The following SLC4A5 variants were observed in gnomAD, a reference collection of about 807,000 sequenced individuals.
SLC4A5 encodes the protein solute carrier family 4 member 5, also known as electrogenic sodium bicarbonate cotransporter 4.
A neutral mutation model predicts 120.4 loss-of-function variants in SLC4A5; 96 were observed. The ratio of observed to expected loss-of-function variants is 0.80; its 90% CI spans 0.68 to 0.94. SLC4A5 has a LOEUF of 0.94. Among genes scored for constraint, SLC4A5 ranks in the 40% least tolerant of loss-of-function variants. The pLI, the probability that SLC4A5 is intolerant of heterozygous loss-of-function variation, is 0.00. For synonymous variants in SLC4A5, 550 were observed against 571.1 expected, an observed-to-expected ratio of 0.96 and a Z score of 0.53; for missense variants, 1,259 against 1,459.5, an observed-to-expected ratio of 0.86 and a Z score of 2.24.
At chr2:74,331,799 A>C (rs1435737603) in intron 4 of SLC4A5, among the ~76,000 whole-genome samples, 1 of 152,112 alleles carries the variant, frequency 6.6e-6, no homozygotes, top group East Asian at 1.9e-4. Context: ...CTCTACCTCT[A>C]AACTCATGCT....
At chr2:74,244,493 T>A (rs1670547010) in intron 19 of SLC4A5, among the ~76,000 whole-genome samples, 1 of 71,044 alleles carries the variant, frequency 1.4e-5, no homozygotes, top group African/African-American at 3.3e-5. Context: ...CCTTTCTCTC[T>A]CCCTTCCTTC....
At chr2:74,230,028 T>C (rs1385491833) in intron 25 of SLC4A5, among the ~76,000 whole-genome samples, 1 of 151,938 alleles carries the variant, frequency 6.6e-6, no homozygotes, top group Non-Finnish European at 1.5e-5. Flanking sequence ...AATTTTTGTA[T>C]TTTTTGTAGA....
In SLC4A5 at chr2:74,296,616, C is replaced by CAAA. The variant is rs1160532512; in HGVS notation, c.271+7870_271+7872dup. On this transcript the variant is annotated intron_variant, in intron 7 of 30. Coordinates refer to ENST00000394019, the Ensembl canonical transcript of SLC4A5. ...GTGAAACCCGTCTCTACTAAAAATACAAAAAAAAAAAAAAAAAAAAAAATT... is the reference window on the plus strand; with the variant it reads ...GTGAAACCCGTCTCTACTAAAAATACAAAAAAAAAAAAAAAAAAAAAAAAAATT... Among the ~76,000 whole-genome samples, 74 of 47,464 alleles carry CAAA rather than the reference C, an allele frequency of 1.6e-3. 1 individual carries two copies. Among genetic ancestry groups the CAAA allele is most frequent in the African/African-American group, 4.5e-3 (60 of 13,422 alleles). 31.1% of individuals were successfully genotyped at this position (47,464 alleles called of 152,430 possible).
chr2:74,286,384 G>A (rs1358066772), intron 7 of SLC4A5, among the ~76,000 whole-genome samples: 2 of 152,174 alleles, frequency 1.3e-5, no homozygotes, highest in African/African-American at 4.8e-5. Flanking sequence ...GGGCAAGATG[G>A]CAGTCCATTT....
chr2:74,264,659 T>C (rs934404584), intron 9 of SLC4A5, among the ~76,000 whole-genome samples: 2 of 152,110 alleles, frequency 1.3e-5, no homozygotes, highest in African/African-American at 4.8e-5. Context: ...TTGGGCAAAA[T>C]ACTTCTGGCA....
At chr2:74,240,255 C>T (rs1044013665) in intron 20 of SLC4A5, among the ~76,000 whole-genome samples, 5 of 152,058 alleles carry the variant, frequency 3.3e-5, no homozygotes, top group African/African-American at 1.2e-4. Flanking sequence ...TTTTTCCCAA[C>T]CTTGAAGACC....
At chr2:74,271,766 A>G (rs540141611) in intron 8 of SLC4A5, among the ~76,000 whole-genome samples, 1 of 151,518 alleles carries the variant, frequency 6.6e-6, no homozygotes, top group African/African-American at 2.4e-5. Flanking sequence ...ATGACTGGGG[A>G]AAAAAAGCTT....
intron 11 of SLC4A5, 118 bp from the exon 12 acceptor site, chr2:74,259,761 C>T (rs1415398102): frequency 1.1e-6 from 1 of 905,062 alleles, no homozygotes. Context: ...CTCCCTCCCC[C>T]TTAATCCTGC....
chr2:74,319,740 A>AGG (rs934508885), intron 5 of SLC4A5, among the ~76,000 whole-genome samples: 2 of 152,056 alleles, frequency 1.3e-5, no homozygotes, highest in Non-Finnish European at 2.9e-5. Flanking sequence ...AGCCACCCCT[A>AGG]ACCTCTTTGA....
At chr2:74,296,300 G>A (rs1672322969) in intron 7 of SLC4A5, among the ~76,000 whole-genome samples, 1 of 152,082 alleles carries the variant, frequency 6.6e-6, no homozygotes, top group Non-Finnish European at 1.5e-5. Flanking sequence ...CCCAGCCCCA[G>A]GGTTGGGGGG....
At chr2:74,308,738 A>C (rs1171079881) in intron 6 of SLC4A5, among the ~76,000 whole-genome samples, 1 of 143,854 alleles carries the variant, frequency 7.0e-6, no homozygotes, top group Admixed American at 7.0e-5. Flanking sequence ...CCAGCTTATC[A>C]TTTTTTTTTT....
Position 74,248,694 on chromosome 2 carries a change from G to C in SLC4A5, c.1654-208C>G, listed in dbSNP as rs372405924. On this transcript the variant is annotated intron_variant, in intron 17 of 30. Coordinates refer to ENST00000394019, the Ensembl canonical transcript of SLC4A5. ...TTGTCACTCTGTTTAATTCCATCTA[G>C]ATAAAGGTACCATGTGACTTCCTTC... 1.3e-4 allele frequency among the ~76,000 whole-genome samples: 20 copies of C among 152,254 alleles called. 1 individual carries two copies. In the East Asian group the frequency reaches 3.5e-3, roughly 26 times the overall value.
At position 74,221,416 on chromosome 2, in the gene SLC4A5, C is replaced by T. The variant is rs369311884; in HGVS notation, c.*33+18G>A. 2 of 1,581,190 alleles carry T rather than the reference C, an allele frequency of 1.3e-6. No homozygotes were observed. Among genetic ancestry groups the T allele is most frequent in the African/African-American group, 2.7e-5 (2 of 74,360 alleles). On this transcript the variant is annotated intron_variant, in intron 30 of 30. Coordinates refer to ENST00000394019, the Ensembl canonical transcript of SLC4A5. ...GTCTCTTACCTAATACGCAAGGAGTCTACCTAACAGTGTTTACCTTCGGTC... is the reference window on the plus strand; with the variant it reads ...GTCTCTTACCTAATACGCAAGGAGTTTACCTAACAGTGTTTACCTTCGGTC...
chr2:74,217,243 A>G (rs1694471897), exon 31 of SLC4A5: 1 of 152,222 alleles, frequency 6.6e-6, no homozygotes. Context: ...TTTAAATCAT[A>G]GTTGTTTTGG....
intron 30 of SLC4A5, among the ~76,000 whole-genome samples, chr2:74,219,343 G>C (rs1694549604): frequency 6.6e-6 from 1 of 152,012 alleles, no homozygotes; most frequent in Non-Finnish European, 1.5e-5. Flanking sequence ...TCAAAACGAG[G>C]CTACTCCCTC....
Position 74,247,022 on chromosome 2 carries a change from G to T in SLC4A5, c.2059+14C>A. The T allele has an allele frequency of 6.2e-7, 1 of 1,612,368 alleles. No homozygotes were observed. Among genetic ancestry groups the T allele is most frequent in the Non-Finnish European group, 8.5e-7 (1 of 1,178,722 alleles). On this transcript the variant is annotated intron_variant, in intron 19 of 30. Transcript: ENST00000394019. ...TAGGTGAGGGCCCACGGCATGTCTG[G>T]GGTTACCGGTCACCTGTGTCAGGGG...
At position 74,312,159 on chromosome 2, in the gene SLC4A5, T is replaced by C. The variant is rs1390946057; in HGVS notation, c.79+2786A>G. ...TCTTTTGATTAGTGTTATCATGGTA[T>C]ATCTTCCTCCCTCCCTTTACTTCTA... On this transcript the variant is annotated intron_variant, in intron 6 of 30. Coordinates refer to ENST00000394019, the Ensembl canonical transcript of SLC4A5. 1.3e-4 allele frequency among the ~76,000 whole-genome samples: 20 copies of C among 152,332 alleles called. No individual in the cohort carries two copies. In the East Asian group the frequency reaches 3.3e-3, roughly 25 times the overall value.
chr2:74,304,696 A>T lies in SLC4A5; in HGVS notation c.80-16T>A, dbSNP rs769623023. The T allele has an allele frequency of 6.2e-7, 1 of 1,603,360 alleles. No individual in the cohort carries two copies. The highest frequency in any genetic ancestry group is 1.1e-5 in the South Asian group (1 of 89,662). On this transcript the variant is annotated splice_polypyrimidine_tract_variant and intron_variant, in intron 6 of 30. Transcript: ENST00000394019. The stretch of plus-strand genomic sequence containing the variant: ...GGAGGGCATTCTGTGGACACGGCAC[A>T]AAAGACAGGGGAGGCAGGGTTACTG...
At chr2:74,301,080 T>C (rs1015158416) in intron 7 of SLC4A5, among the ~76,000 whole-genome samples, 4 of 152,128 alleles carry the variant, frequency 2.6e-5, no homozygotes, top group African/African-American at 7.2e-5. Context: ...GGCAGCTGGA[T>C]TGTGTATTTC....
Sources: gnomAD v4.1 joint callset for allele counts (sites outside exome capture counted in the v4.1 genomes callset) on GRCh38, gnomAD v4.1.1 for gene constraint, MANE v1.5 for transcripts, NCBI Gene and HGNC (gene_info 2026-07-23, HGNC 2026-07-21) for gene names.